The following ERLIN1 variants were observed in gnomAD, a reference collection of about 807,000 sequenced individuals.
The protein encoded by ERLIN1 is erlin-1.
ERLIN1 carries 24 observed loss-of-function variants against 46.9 expected under a neutral mutation model. The observed-to-expected ratio is 0.51, with a 90% confidence interval of 0.37 to 0.72. ERLIN1 has a LOEUF of 0.72. Ranked by LOEUF, ERLIN1 falls within the 30% of genes least tolerant of loss-of-function variation. ERLIN1 has a pLI of 0.00. For missense variants in ERLIN1, 293 were observed against 417.9 expected (o/e 0.70, Z 2.61); for synonymous variants, 158 against 143.2 (o/e 1.10, Z -0.74).
chr10:100,167,077 G>C (rs1237367591), intron 7 of ERLIN1, among the ~76,000 whole-genome samples: 1 of 152,078 alleles, frequency 6.6e-6, no homozygotes, highest in Non-Finnish European at 1.5e-5. Flanking sequence ...TAAAATTATA[G>C]CTCCTTAAGC....
intron 2 of ERLIN1, 138 bp downstream of exon 2, chr10:100,183,618 T>C: frequency 1.8e-6 from 1 of 562,288 alleles, no homozygotes; most frequent in Non-Finnish European, 3.2e-6. Flanking sequence ...ACAACTGTAC[T>C]CTGAACGTTA....
intron 10 of ERLIN1, among the ~76,000 whole-genome samples, chr10:100,153,653 CA>C (rs1385687974): frequency 3.3e-5 from 5 of 152,226 alleles, no homozygotes; most frequent in African/African-American, 7.2e-5. Context: ...TCATAGTGCA[CA>C]ACCACATTTC....
intron 5 of ERLIN1, 129 bp downstream of exon 5, chr10:100,175,816 C>A: frequency 1.5e-6 from 1 of 658,686 alleles, no homozygotes; most frequent in East Asian, 3.2e-5. Flanking sequence ...ATTTTAAAGA[C>A]AATTGCTCTA....
At chr10:100,166,597 T>G (rs1231425468) in intron 7 of ERLIN1, among the ~76,000 whole-genome samples, 1 of 152,210 alleles carries the variant, frequency 6.6e-6, no homozygotes, top group Admixed American at 6.5e-5. Flanking sequence ...TCCTTGGACT[T>G]CCAGTATTTA....
chr10:100,168,159 A>C (rs1484924913), intron 6 of ERLIN1, among the ~76,000 whole-genome samples: 1 of 152,128 alleles, frequency 6.6e-6, no homozygotes, highest in Non-Finnish European at 1.5e-5. Flanking sequence ...TGATTTTACT[A>C]AACATACGAT....
chr10:100,155,927 A>G (rs2134104739), intron 9 of ERLIN1, among the ~76,000 whole-genome samples: 1 of 152,322 alleles, frequency 6.6e-6, no homozygotes, highest in African/African-American at 2.4e-5. Flanking sequence ...AAGGAAGAAA[A>G]GGAAAGCTGA....
chr10:100,183,397 T>C (rs910467507), intron 2 of ERLIN1, among the ~76,000 whole-genome samples: 11 of 152,222 alleles, frequency 7.2e-5, no homozygotes, highest in Admixed American at 2.6e-4. Flanking sequence ...CCTGCCTCTA[T>C]GGAAACTAAA....
intron 8 of ERLIN1, among the ~76,000 whole-genome samples, chr10:100,156,889 C>T (rs1348145135): frequency 1.3e-5 from 2 of 152,172 alleles, no homozygotes; most frequent in Non-Finnish European, 2.9e-5. Flanking sequence ...ATGGTGCGTG[C>T]CTATAGTCCC....
chr10:100,185,524 C>G lies in ERLIN1; in HGVS notation c.103G>C (p.Val35Leu), dbSNP rs1423969770. 1 of 1,612,916 alleles carries G rather than the reference C, an allele frequency of 6.2e-7. No individual in the cohort carries two copies. The highest frequency in any genetic ancestry group is 8.5e-7 in the Non-Finnish European group (1 of 1,178,848). ...GCACATGCCGCTCACCTGTAGTACA[C>G]AGCCAGATGGCCCTCCTCAATCTTG... ...IHKIEEGHLA[V>L]YYRGGALLTS... Residue 35 changes from valine (V) to leucine (L), a missense_variant, in exon 1 of 11, where the codon GTG becomes CTG. By Grantham distance (32) the Val-to-Leu change is conservative (BLOSUM62 1). This residue lies in a region of ERLIN1 where 76 missense variants were observed against 77.0 expected (regional missense o/e 0.99). Coordinates refer to ENST00000421367, the MANE Select transcript of ERLIN1 (RefSeq NM_006459.4).
Position 100,179,215 on chromosome 10 carries a change from C to A in ERLIN1, c.228G>T (p.Val76=), listed in dbSNP as rs1014047896. 1.9e-6 allele frequency: 3 copies of A among 1,596,286 alleles called. No homozygotes were observed. Among genetic ancestry groups the A allele is most frequent in the Admixed American group, 1.7e-5 (1 of 57,354 alleles). ...TTLQTDEVKN[V]PCGTSGGVMI... ...AGAAAGCTTACCTTGTTCCACAAGG[C>A]ACATTTTTAACTTCATCAGTTTGTA... is the stretch of plus-strand genomic sequence containing the variant. Residue 76 remains valine, a synonymous_variant, in exon 3 of 11, where the codon GTG becomes GTT. Transcript: ENST00000421367.
chr10:100,165,850 C>A (rs2134132939), intron 7 of ERLIN1, among the ~76,000 whole-genome samples: 1 of 152,250 alleles, frequency 6.6e-6, no homozygotes, highest in East Asian at 1.9e-4. Flanking sequence ...CTCAGCCTCC[C>A]CAGTAGCTGG....
rs561585779 is a variant in ERLIN1, at chr10:100,183,129, G to A, written c.195+627C>T. Among the ~76,000 whole-genome samples, 15 of 152,284 alleles carry A rather than the reference G, an allele frequency of 9.9e-5. No homozygotes were observed. The South Asian group carries it at 2.9e-3, about 29-fold the overall frequency. ...GAATCCAAAGATTTATGATCACACT[G>A]GGCTTGCGAAAGTGGTCACAGCCTA... On this transcript the variant is annotated intron_variant, in intron 2 of 10. Coordinates refer to ENST00000421367, the MANE Select transcript of ERLIN1 (RefSeq NM_006459.4).
rs962962315 is a variant in ERLIN1, at chr10:100,161,597, C to T, written c.655+2407G>A. ...GGATGAATAAAGGGCCTAGAATAGTCCAGGATAATTTTAAATATAGTTAGG... is the reference window on the plus strand; with the variant it reads ...GGATGAATAAAGGGCCTAGAATAGTTCAGGATAATTTTAAATATAGTTAGG... On this transcript the variant is annotated intron_variant, in intron 8 of 10. Transcript: ENST00000421367. Among the ~76,000 whole-genome samples the T allele has an allele frequency of 4.6e-5, 7 of 151,984 alleles. No individual in the cohort carries two copies. The South Asian group carries it at 6.2e-4, about 13-fold the overall frequency.
At chr10:100,162,621 T>C (rs80329330) in intron 8 of ERLIN1, among the ~76,000 whole-genome samples, 1,772 of 152,318 alleles carry the variant, frequency 0.012, 45 homozygotes, top group African/African-American at 0.04. Context: ...TTTGTGTGTG[T>C]ATTTCAATTT....
chr10:100,150,108 TTTTA>T lies in ERLIN1; in HGVS notation c.*2019_*2022del, dbSNP rs1469299633. Reference sequence around the variant, plus strand: ...ACACAAATCACTGATAGTAAAATAATTTTATTTAGTTTCTTATTTTAAAAAAGGT... The same window carrying T: ...ACACAAATCACTGATAGTAAAATAATTTTAGTTTCTTATTTTAAAAAAGGT... On this transcript the variant is annotated 3_prime_UTR_variant, in exon 11 of 11. Coordinates refer to ENST00000421367, the MANE Select transcript of ERLIN1 (RefSeq NM_006459.4). The T allele has an allele frequency of 4.6e-5, 7 of 152,108 alleles. No individual in the cohort carries two copies. 9.4% of individuals were successfully genotyped at this position (152,108 alleles called of 1,614,324 possible).
At chr10:100,170,154 G>A (rs968249139) in intron 6 of ERLIN1, among the ~76,000 whole-genome samples, 3 of 152,190 alleles carry the variant, frequency 2.0e-5, no homozygotes, top group African/African-American at 7.2e-5. Context: ...AAAAGATGAT[G>A]TCTCTTGCCA....
At chr10:100,181,680 AATTTTTGT>A (rs1048174800) in intron 2 of ERLIN1, among the ~76,000 whole-genome samples, 1 of 151,990 alleles carries the variant, frequency 6.6e-6, no homozygotes, top group African/African-American at 2.4e-5. Flanking sequence ...ACGCCCAGCT[AATTTTTGT>A]ATTTTTGTAG....
chr10:100,152,950 C>A (rs1842884865), intron 10 of ERLIN1, among the ~76,000 whole-genome samples: 1 of 152,066 alleles, frequency 6.6e-6, no homozygotes, highest in African/African-American at 2.4e-5. Context: ...AACTTCTGGG[C>A]TCAAGAGATA....
chr10:100,151,991 G>A lies in ERLIN1; in HGVS notation c.*140C>T. ...CAGCTGGCTCTATCCTCCAATCAGT[G>A]GAGCACCCAGGACTATCGCAGGAGA... On this transcript the variant is annotated 3_prime_UTR_variant, in exon 11 of 11. Transcript: ENST00000421367. 1.4e-6 allele frequency: 1 copy of A among 711,364 alleles called. No homozygotes were observed. Among genetic ancestry groups the A allele is most frequent in the Non-Finnish European group, 2.6e-6 (1 of 390,156 alleles). 44.1% of individuals were successfully genotyped at this position (711,364 alleles called of 1,614,324 possible). A position where few individuals can be genotyped will look rare whatever the true frequency, so the allele number is the denominator to read the frequency against.
Sources: gnomAD v4.1 joint callset for allele counts (sites outside exome capture counted in the v4.1 genomes callset) on GRCh38, gnomAD v4.1.1 for gene constraint, gnomAD v4.1.1 regional missense constraint, MANE v1.5 for transcripts, NCBI Gene and HGNC (gene_info 2026-07-23, HGNC 2026-07-21) for gene names.